Variants in BTBD9 observed in about 807,000 individuals in gnomAD.
BTBD9 encodes BTB domain containing 9, also known as BTB/POZ domain-containing protein 9.
BTBD9 carries 49 observed loss-of-function variants against 64.3 expected under a neutral mutation model. The ratio of observed to expected loss-of-function variants is 0.76; its 90% confidence interval spans 0.61 to 0.97. BTBD9 has a LOEUF of 0.97. BTBD9 is among the 50% of genes least tolerant of loss of function. BTBD9 has a pLI of 0.00. For synonymous variants in BTBD9, 260 were observed against 274.7 expected (o/e 0.95, Z 0.53); for missense variants, 598 against 762.1 (o/e 0.78, Z 2.53).
intron 9 of BTBD9, among the ~76,000 whole-genome samples, chr6:38,194,068 A>G (rs1028984347): frequency 2.0e-5 from 3 of 151,474 alleles, no homozygotes; most frequent in Non-Finnish European, 4.4e-5. Context: ...CTGGTGGCCT[A>G]TTTTCTCGGT....
chr6:38,524,065 T>C (rs1316229405), intron 6 of BTBD9, among the ~76,000 whole-genome samples: 1 of 152,206 alleles, frequency 6.6e-6, no homozygotes, highest in Non-Finnish European at 1.5e-5. Context: ...TAGAGAAATT[T>C]CTTAGACAGC....
chr6:38,210,099 C>G (rs1459347471), intron 9 of BTBD9, among the ~76,000 whole-genome samples: 1 of 152,042 alleles, frequency 6.6e-6, no homozygotes. Flanking sequence ...TTTTAATGCT[C>G]GACGTCTCAC....
At chr6:38,338,384 A>G (rs1184325596) in intron 7 of BTBD9, among the ~76,000 whole-genome samples, 1 of 152,150 alleles carries the variant, frequency 6.6e-6, no homozygotes, top group East Asian at 1.9e-4. Flanking sequence ...ACCACAGTTG[A>G]CTACAGGTAA....
intron 6 of BTBD9, among the ~76,000 whole-genome samples, chr6:38,561,385 G>T (rs1166813616): frequency 6.6e-6 from 1 of 152,222 alleles, no homozygotes; most frequent in Non-Finnish European, 1.5e-5. Context: ...GTGGAAAGCA[G>T]TTTGGAGATT....
At chr6:38,493,920 C>T (rs906786564) in intron 6 of BTBD9, among the ~76,000 whole-genome samples, 1 of 152,186 alleles carries the variant, frequency 6.6e-6, no homozygotes, top group African/African-American at 2.4e-5. Context: ...GGATTACACA[C>T]ATTTGAGTAA....
chr6:38,311,341 G>C (rs1762825716), intron 7 of BTBD9, among the ~76,000 whole-genome samples: 1 of 152,096 alleles, frequency 6.6e-6, no homozygotes, highest in Non-Finnish European at 1.5e-5. Context: ...AAGTAAGTGA[G>C]AGCCTGGCTT....
intron 10 of BTBD9, among the ~76,000 whole-genome samples, chr6:38,176,678 TGGA>T (rs1438372221): frequency 1.3e-5 from 2 of 152,174 alleles, no homozygotes; most frequent in African/African-American, 4.8e-5. Flanking sequence ...AGGCCTTATG[TGGA>T]GATCTGAACA....
Position 38,192,540 on chromosome 6 carries a change from C to G in BTBD9, c.1620G>C (p.Gly540=). 6.2e-7 allele frequency: 1 copy of G among 1,613,904 alleles called. No homozygotes were observed. The highest frequency in any genetic ancestry group is 8.5e-7 in the Non-Finnish European group (1 of 1,179,930). ...TTACCTCATTTGCTGTGTTGTGTGT[C>G]CCAACGATACGGATGAAGGAGGCAG... ...RQPASFIRIV[G]THNTANEVFH... Residue 540 remains glycine (G), a synonymous_variant, in exon 10 of 11, where the codon GGG becomes GGC. Transcript: ENST00000481247.
intron 8 of BTBD9, among the ~76,000 whole-genome samples, chr6:38,275,883 CTT>C (rs1761216325): frequency 6.6e-6 from 1 of 151,854 alleles, no homozygotes; most frequent in Non-Finnish European, 1.5e-5. Context: ...AATAGGAACA[CTT>C]TTACACTGTT....
chr6:38,439,354 C>T (rs765985005), intron 6 of BTBD9, among the ~76,000 whole-genome samples: 69 of 151,868 alleles, frequency 4.5e-4, no homozygotes, highest in Non-Finnish European at 8.5e-4. Context: ...TGTCGAACTC[C>T]TGACCTCCAG....
intron 8 of BTBD9, among the ~76,000 whole-genome samples, chr6:38,263,245 C>T (rs892084039): frequency 1.3e-5 from 2 of 152,300 alleles, no homozygotes; most frequent in African/African-American, 4.8e-5. Flanking sequence ...TGAATAACTA[C>T]TCAGTAACAT....
In BTBD9 at chr6:38,545,306, G is replaced by C. The variant is rs903885730; in HGVS notation, c.1154+32294C>G. On this transcript the variant is annotated intron_variant, in intron 6 of 10. Coordinates refer to ENST00000481247, the MANE Select transcript of BTBD9 (RefSeq NM_001099272.2). ...AGGTTTCACACTGTTGGCCAGGCTG[G>C]TCTTGATCTCTTGACCTCTGGTGAT... Among the ~76,000 whole-genome samples, 9 of 152,098 alleles carry C rather than the reference G, an allele frequency of 5.9e-5. No individual in the cohort carries two copies. The South Asian group carries it at 1.7e-3, about 28-fold the overall frequency.
At chr6:38,218,170 T>C (rs1763078609) in intron 9 of BTBD9, among the ~76,000 whole-genome samples, 1 of 152,200 alleles carries the variant, frequency 6.6e-6, no homozygotes. Context: ...TTATTCTATA[T>C]TCAAGTCTAT....
At chr6:38,252,447 A>G (rs1764434821) in intron 9 of BTBD9, among the ~76,000 whole-genome samples, 1 of 152,216 alleles carries the variant, frequency 6.6e-6, no homozygotes, top group Non-Finnish European at 1.5e-5. Context: ...GGTACAATAC[A>G]TTCAAGTTAC....
At chr6:38,182,196 C>A (rs867414690) in intron 10 of BTBD9, among the ~76,000 whole-genome samples, 8 of 152,048 alleles carry the variant, frequency 5.3e-5, no homozygotes, top group Middle Eastern at 6.3e-3. Flanking sequence ...ATATCATTTT[C>A]TCATATTCAC....
chr6:38,188,516 CACAG>C (rs1342554618), intron 10 of BTBD9, among the ~76,000 whole-genome samples: 2 of 152,276 alleles, frequency 1.3e-5, no homozygotes, highest in Admixed American at 6.5e-5. Flanking sequence ...ATTGTACACA[CACAG>C]ACAGACCTTT....
intron 7 of BTBD9, among the ~76,000 whole-genome samples, chr6:38,333,554 C>G (rs778257878): frequency 2.6e-5 from 4 of 152,106 alleles, no homozygotes; most frequent in Non-Finnish European, 4.4e-5. Flanking sequence ...TTTCATGATA[C>G]AGTTCTCACA....
chr6:38,344,282 C>T (rs1037519722), intron 7 of BTBD9, among the ~76,000 whole-genome samples: 1 of 152,032 alleles, frequency 6.6e-6, no homozygotes, highest in Non-Finnish European at 1.5e-5. Flanking sequence ...ATGGACTGTG[C>T]ACAACGCCCA....
At chr6:38,446,200 T>A (rs1448877962) in intron 6 of BTBD9, among the ~76,000 whole-genome samples, 1 of 152,130 alleles carries the variant, frequency 6.6e-6, no homozygotes, top group Non-Finnish European at 1.5e-5. Flanking sequence ...CACAGCACAT[T>A]CAGTCAGTGT....
Sources: gnomAD v4.1 joint callset for allele counts (sites outside exome capture counted in the v4.1 genomes callset) on GRCh38, gnomAD v4.1.1 for gene constraint, MANE v1.5 for transcripts, NCBI Gene and HGNC (gene_info 2026-07-23, HGNC 2026-07-21) for gene names.